Variants in BAZ1A observed in about 807,000 individuals in gnomAD.
BAZ1A encodes bromodomain adjacent to zinc finger domain protein 1A.
BAZ1A carries 50 observed loss-of-function variants against 185.2 expected under a neutral mutation model. The ratio of observed to expected loss-of-function variants is 0.27; its 90% CI spans 0.22 to 0.34. The LOEUF (loss-of-function observed/expected upper bound fraction) is 0.34, where lower values mean the gene tolerates loss of function less well. Among genes scored for constraint, BAZ1A ranks in the 10% least tolerant of loss-of-function variants. The pLI, the probability that BAZ1A is intolerant of heterozygous loss-of-function variation, is 1.00. For missense variants in BAZ1A, 1,356 were observed against 1,839.9 expected (o/e 0.74, Z 4.81); for synonymous variants, 571 against 615.6 (o/e 0.93, Z 1.07).
chr14:34,782,418 AT>A (rs537067831), intron 16 of BAZ1A, among the ~76,000 whole-genome samples: 2 of 151,654 alleles, frequency 1.3e-5, no homozygotes, highest in South Asian at 2.1e-4. Flanking sequence ...TGTTTTTAAG[AT>A]TTTTTTTCTT....
intron 3 of BAZ1A, among the ~76,000 whole-genome samples, chr14:34,860,560 C>CCCAGAG (rs1468311937): frequency 7.7e-6 from 1 of 129,794 alleles, no homozygotes; most frequent in Non-Finnish European, 1.7e-5. Context: ...CAAAAACAAA[C>CCCAGAG]CCAGAGCCAG....
Position 34,875,212 on chromosome 14 carries a change from G to A in BAZ1A, c.-133C>T. The A allele has an allele frequency of 2.2e-6, 1 of 450,558 alleles. No individual in the cohort carries two copies. Among genetic ancestry groups the A allele is most frequent in the Non-Finnish European group, 4.5e-6 (1 of 224,500 alleles). The allele number at this position is 450,558 out of a possible 1,614,324, so 27.9% of individuals were successfully genotyped here. On this transcript the variant is annotated 5_prime_UTR_variant, in exon 1 of 27. Transcript: ENST00000360310. Reference sequence around the variant, plus strand: ...ACGAGGGGAGACCCCGTCCTCCCAGGGGACCGCCTCTCTCCGGCCCCGCCG... The same window carrying A: ...ACGAGGGGAGACCCCGTCCTCCCAGAGGACCGCCTCTCTCCGGCCCCGCCG...
chr14:34,787,040 A>G (rs541923137), intron 12 of BAZ1A, among the ~76,000 whole-genome samples: 1 of 152,210 alleles, frequency 6.6e-6, no homozygotes, highest in Non-Finnish European at 1.5e-5. Flanking sequence ...TATCTTCATT[A>G]AAATTTCACA....
intron 4 of BAZ1A, among the ~76,000 whole-genome samples, chr14:34,823,781 TGAATTAAAATTTTCAA>T: frequency 6.6e-6 from 1 of 152,268 alleles, no homozygotes; most frequent in East Asian, 1.9e-4. Flanking sequence ...TTTTTTATCT[TGAATTAAAATTTTCAA>T]GAGGCATTCC....
rs1163550292 is a variant in BAZ1A at position 34,874,075 on chromosome 14, C to A, written c.113+417G>T. Among the ~76,000 whole-genome samples, 1 of 152,162 alleles carries A rather than the reference C, an allele frequency of 6.6e-6. No individual in the cohort carries two copies. The highest frequency in any genetic ancestry group is 1.5e-5 in the Non-Finnish European group (1 of 68,010). On this transcript the variant is annotated intron_variant, in intron 2 of 26. Transcript: ENST00000360310. The surrounding 1 kb of genome is among the most constrained non-coding windows in gnomAD (Gnocchi z 4.7). ...CCCTTCCCCGGCCCAGGGACTGCGG[C>A]CCCACGTCGCTGACCCTAGCGGGGA...
At chr14:34,846,190 C>T (rs1050082074) in intron 3 of BAZ1A, among the ~76,000 whole-genome samples, 2 of 152,176 alleles carry the variant, frequency 1.3e-5, no homozygotes, top group Admixed American at 6.5e-5. Flanking sequence ...ATAAAGCCAA[C>T]GCTGAATATC....
intron 3 of BAZ1A, chr14:34,828,503 A>C (rs1488890280): frequency 6.6e-6 from 1 of 152,148 alleles, no homozygotes; most frequent in Non-Finnish European, 1.5e-5. Context: ...CAGATTTCCA[A>C]AACTTTCTCG....
chr14:34,874,411 G>A lies in BAZ1A; in HGVS notation c.113+81C>T, dbSNP rs572307966. 93 of 1,352,988 alleles carry A rather than the reference G, an allele frequency of 6.9e-5. 1 individual carries two copies. In the African/African-American group the frequency reaches 1.3e-3, roughly 18 times the overall value. The allele number at this position is 1,352,988 out of a possible 1,614,324, so 83.8% of individuals were successfully genotyped here. A position where few individuals can be genotyped will look rare whatever the true frequency, so the allele number is the denominator to read the frequency against. ...AGTCGCCCCGCCAGAAGCCCAGGGC[G>A]AGGAAAAGGAGAGAGACAAAAGAGC... On this transcript the variant is annotated intron_variant, in intron 2 of 26. Transcript: ENST00000360310. This position sits in a 1 kb window ranked among gnomAD's most constrained non-coding sequence, Gnocchi z 4.7.
At chr14:34,829,234 C>A (rs1291983266) in intron 3 of BAZ1A, among the ~76,000 whole-genome samples, 1 of 144,810 alleles carries the variant, frequency 6.9e-6, no homozygotes, top group Non-Finnish European at 1.5e-5. Flanking sequence ...CCACTGCACT[C>A]CAGCCTGGGC....
chr14:34,804,651 T>G (rs1223991342), intron 6 of BAZ1A, among the ~76,000 whole-genome samples: 1 of 152,216 alleles, frequency 6.6e-6, no homozygotes, highest in African/African-American at 2.4e-5. Context: ...CTCAGAATTA[T>G]GTGGGGTAAC....
Position 34,875,185 on chromosome 14 carries a change from C to T in BAZ1A, c.-106G>A, listed in dbSNP as rs2043028686. On this transcript the variant is annotated 5_prime_UTR_variant, in exon 1 of 27. Coordinates refer to ENST00000360310, the MANE Select transcript of BAZ1A (RefSeq NM_013448.3). ...TTGTCCACCTTCTCCACTACAAAGGCAACGAGGGGAGACCCCGTCCTCCCA... is the reference window on the plus strand; with the variant it reads ...TTGTCCACCTTCTCCACTACAAAGGTAACGAGGGGAGACCCCGTCCTCCCA... The T allele has an allele frequency of 2.2e-6, 1 of 445,566 alleles. No individual in the cohort carries two copies. Among genetic ancestry groups the T allele is most frequent in the Non-Finnish European group, 4.5e-6 (1 of 221,036 alleles). 27.6% of individuals were successfully genotyped at this position (445,566 alleles called of 1,614,324 possible).
chr14:34,850,507 A>T (rs577897533), intron 3 of BAZ1A, among the ~76,000 whole-genome samples: 1 of 152,362 alleles, frequency 6.6e-6, no homozygotes, highest in Non-Finnish European at 1.5e-5. Context: ...TAGTCTAGTC[A>T]GAGGTAAAGC....
At chr14:34,855,478 G>T (rs2042662406) in intron 3 of BAZ1A, among the ~76,000 whole-genome samples, 1 of 152,150 alleles carries the variant, frequency 6.6e-6, no homozygotes, top group Non-Finnish European at 1.5e-5. Flanking sequence ...TTTGCTAATT[G>T]TTCTTTCGTC....
chr14:34,829,267 G>GAAAAAA (rs60176426), intron 3 of BAZ1A, among the ~76,000 whole-genome samples: 1 of 86,470 alleles, frequency 1.2e-5, no homozygotes, highest in African/African-American at 4.6e-5. Flanking sequence ...CTCTGTCTCT[G>GAAAAAA]AAAAAAAAAA....
intron 2 of BAZ1A, among the ~76,000 whole-genome samples, chr14:34,870,188 T>C (rs143448912): frequency 4.5e-4 from 69 of 152,282 alleles, no homozygotes; most frequent in Non-Finnish European, 6.9e-4. Flanking sequence ...AAAAATGTAT[T>C]TAAAACATCT....
In BAZ1A at chr14:34,796,898, C is replaced by A. The variant is rs146060202; in HGVS notation, c.1129-1133G>T. On this transcript the variant is annotated intron_variant, in intron 9 of 26. Coordinates refer to ENST00000360310, the MANE Select transcript of BAZ1A (RefSeq NM_013448.3). Reference sequence around the variant, plus strand: ...TATAGGATCAAATAAGGTTAACATTCTAATTCATTGTTGCTAACAGTGTAA... The same window carrying A: ...TATAGGATCAAATAAGGTTAACATTATAATTCATTGTTGCTAACAGTGTAA... Among the ~76,000 whole-genome samples, 847 of 152,318 alleles carry A rather than the reference C, an allele frequency of 5.6e-3. 8 individuals are homozygous for A. The highest frequency in any genetic ancestry group is 0.02 in the African/African-American group (816 of 41,576).
At position 34,794,902 on chromosome 14, in the gene BAZ1A, A is replaced by G. The variant is rs769187540; in HGVS notation, c.1225-15T>C. 3 of 1,605,578 alleles carry G rather than the reference A, an allele frequency of 1.9e-6. No individual in the cohort carries two copies. Among genetic ancestry groups the G allele is most frequent in the Non-Finnish European group, 1.7e-6 (2 of 1,177,880 alleles). The stretch of plus-strand genomic sequence containing the variant: ...TCTGGAAGTTCCTGAAATATTGAAC[A>G]ATTTATATAACTATTTGAACCAAGA... On this transcript the variant is annotated splice_polypyrimidine_tract_variant and intron_variant, in intron 10 of 26. Transcript: ENST00000360310.
At chr14:34,844,174 C>T (rs2042464821) in intron 3 of BAZ1A, among the ~76,000 whole-genome samples, 1 of 143,630 alleles carries the variant, frequency 7.0e-6, no homozygotes, top group Non-Finnish European at 1.5e-5. Context: ...CCACTGCACT[C>T]CAGCCTGGGC....
chr14:34,772,709 G>A (rs965846450), intron 20 of BAZ1A, among the ~76,000 whole-genome samples: 2 of 152,076 alleles, frequency 1.3e-5, no homozygotes, highest in African/African-American at 4.8e-5. Flanking sequence ...TGAAGTCCTG[G>A]GGTACAACGA....
Sources: allele counts gnomAD v4.1 joint callset (sites outside exome capture counted in the v4.1 genomes callset), GRCh38; gene constraint gnomAD v4.1.1; non-coding constraint Gnocchi (gnomAD v3.1); transcripts MANE v1.5; gene names NCBI Gene and HGNC (gene_info 2026-07-23, HGNC 2026-07-21).